The following NAALADL2 variants were observed in gnomAD, a reference collection of about 807,000 sequenced individuals.
NAALADL2 encodes the protein inactive N-acetylated-alpha-linked acidic dipeptidase-like protein 2.
A neutral mutation model predicts 87.2 loss-of-function variants in NAALADL2; 76 were observed. The observed-to-expected ratio is 0.87, with a 90% confidence interval of 0.72 to 1.05. NAALADL2 has a LOEUF of 1.05. NAALADL2 is among the 50% of genes least tolerant of loss of function. NAALADL2 has a pLI of 0.00. For synonymous variants in NAALADL2, 354 were observed against 331.0 expected (o/e 1.07, Z -0.75); for missense variants, 1,089 against 945.8 (o/e 1.15, Z -1.99).
At chr3:174,987,137 A>G (rs1243483699) in intron 1 of NAALADL2, among the ~76,000 whole-genome samples, 1 of 152,180 alleles carries the variant, frequency 6.6e-6, no homozygotes, top group Non-Finnish European at 1.5e-5. Context: ...TCAGCAATGT[A>G]AGTGCTGAAA....
At chr3:174,654,074 G>C (rs1578436854) in intron 2 of NAALADL2, among the ~76,000 whole-genome samples, 1 of 151,082 alleles carries the variant, frequency 6.6e-6, no homozygotes, top group Admixed American at 6.6e-5. Context: ...GTGTGTGTGT[G>C]TGTGTGTGTG....
At chr3:174,855,978 GTGTA>G (rs1345063722), upstream of NAALADL2, among the ~76,000 whole-genome samples, 47 of 83,260 alleles carry the variant, frequency 5.6e-4, no homozygotes, top group East Asian at 0.01. Context: ...GTGTGTGTGT[GTGTA>G]TATATATATA....
At chr3:175,608,555 G>T (rs939410076) in intron 10 of NAALADL2, among the ~76,000 whole-genome samples, 4 of 151,702 alleles carry the variant, frequency 2.6e-5, no homozygotes, top group Non-Finnish European at 4.4e-5. Context: ...TGTGTTTTTC[G>T]CCTTCATGCT....
chr3:174,641,307 A>T (rs1051529478), intron 2 of NAALADL2, among the ~76,000 whole-genome samples: 1 of 152,150 alleles, frequency 6.6e-6, no homozygotes, highest in Non-Finnish European at 1.5e-5. Flanking sequence ...CCCTGAGCGG[A>T]GGTTCAGCAG....
intron 2 of NAALADL2, among the ~76,000 whole-genome samples, chr3:174,564,430 G>T (rs754214522): frequency 6.6e-6 from 1 of 152,114 alleles, no homozygotes; most frequent in Admixed American, 6.6e-5. Flanking sequence ...CCTAGTGGGC[G>T]TGGAAACCCG....
intron 4 of NAALADL2, among the ~76,000 whole-genome samples, chr3:175,305,616 C>T (rs62286965): frequency 1.3e-5 from 2 of 151,890 alleles, no homozygotes; most frequent in South Asian, 2.1e-4. Context: ...TCCACCTCCT[C>T]GGTTCAAGTG....
At chr3:175,136,255 A>G (rs1270898147) in intron 2 of NAALADL2, among the ~76,000 whole-genome samples, 1 of 152,176 alleles carries the variant, frequency 6.6e-6, no homozygotes, top group Admixed American at 6.5e-5. Context: ...CATAAGTCAG[A>G]TTGTGGGGCC....
intron 1 of NAALADL2, among the ~76,000 whole-genome samples, chr3:175,013,961 G>A (rs536181409): frequency 5.3e-5 from 8 of 152,198 alleles, no homozygotes; most frequent in Middle Eastern, 3.4e-3. Context: ...CATTGCATCA[G>A]TCATAGGGTC....
intron 10 of NAALADL2, among the ~76,000 whole-genome samples, chr3:175,581,441 C>CTAAA (rs527842723): frequency 1.6e-4 from 25 of 152,118 alleles, no homozygotes; most frequent in African/African-American, 3.1e-4. Flanking sequence ...GACTCTGTCT[C>CTAAA]TAAATAAATA....
At chr3:175,074,878 A>T (rs899379176) in intron 1 of NAALADL2, among the ~76,000 whole-genome samples, 1 of 152,066 alleles carries the variant, frequency 6.6e-6, no homozygotes, top group Non-Finnish European at 1.5e-5. Flanking sequence ...TCGTAATAAG[A>T]GAAAAAGGAG....
chr3:175,535,518 T>C (rs1364638966), intron 9 of NAALADL2, among the ~76,000 whole-genome samples: 1 of 152,172 alleles, frequency 6.6e-6, no homozygotes, highest in Non-Finnish European at 1.5e-5. Flanking sequence ...ACACCTACCA[T>C]ACCCACAGCA....
chr3:174,779,614 G>A (rs532877625), intron 3 of NAALADL2, among the ~76,000 whole-genome samples: 34 of 152,108 alleles, frequency 2.2e-4, no homozygotes, highest in African/African-American at 6.0e-4. Context: ...TAGGTCTTAC[G>A]TTTAAGTCTT....
At position 175,614,884 on chromosome 3, in the gene NAALADL2, T is replaced by C. The variant is rs368550327; in HGVS notation, c.1801-12407T>C. The stretch of plus-strand genomic sequence containing the variant: ...AAAGATTTAATAAGTACTTCTTAGA[T>C]ATTAATTAATTCTTTAGGACAAATG... On this transcript the variant is annotated intron_variant, in intron 10 of 13. Coordinates refer to ENST00000454872, the MANE Select transcript of NAALADL2 (RefSeq NM_207015.3). 3.9e-5 allele frequency among the ~76,000 whole-genome samples: 6 copies of C among 152,334 alleles called. No individual in the cohort carries two copies. In the East Asian group the frequency reaches 9.6e-4, roughly 24 times the overall value.
At chr3:175,581,205 G>A in intron 10 of NAALADL2, 1 of 342,242 alleles carries the variant, frequency 2.9e-6, no homozygotes, top group South Asian at 2.3e-5. Context: ...CCTTTGTGAG[G>A]CTGAGGCGGG....
intron 11 of NAALADL2, among the ~76,000 whole-genome samples, chr3:175,701,498 G>C (rs993572578): frequency 1.3e-5 from 2 of 151,990 alleles, no homozygotes; most frequent in Admixed American, 6.6e-5. Flanking sequence ...ATTAATATTT[G>C]GATTTCAAAC....
At chr3:175,166,088 A>C (rs1733964272) in intron 2 of NAALADL2, among the ~76,000 whole-genome samples, 1 of 147,466 alleles carries the variant, frequency 6.8e-6, no homozygotes, top group Non-Finnish European at 1.5e-5. Context: ...AAAATCTTAC[A>C]AAAAAAACTT....
At chr3:174,559,830 T>C (rs1029246383) in intron 2 of NAALADL2, among the ~76,000 whole-genome samples, 8 of 152,276 alleles carry the variant, frequency 5.3e-5, no homozygotes, top group African/African-American at 1.4e-4. Context: ...TACTGTCACA[T>C]TGAGGATTAA....
intron 10 of NAALADL2, 40 bp downstream of exon 10, chr3:175,576,227 A>G (rs1295988961): frequency 1.3e-6 from 2 of 1,552,530 alleles, no homozygotes; most frequent in African/African-American, 2.7e-5. Flanking sequence ...CACACACAAT[A>G]TAGTAGACCT....
At chr3:175,557,214 C>G (rs1715422675) in intron 9 of NAALADL2, among the ~76,000 whole-genome samples, 1 of 152,218 alleles carries the variant, frequency 6.6e-6, no homozygotes, top group Middle Eastern at 3.4e-3. Context: ...TTTCACCTAC[C>G]AAATTTATCT....
Sources: allele counts gnomAD v4.1 joint callset (sites outside exome capture counted in the v4.1 genomes callset), GRCh38; gene constraint gnomAD v4.1.1; transcripts MANE v1.5; gene names NCBI Gene and HGNC (gene_info 2026-07-23, HGNC 2026-07-21).